FRK: variants seen among roughly 807,000 people sequenced by gnomAD.
FRK encodes the protein tyrosine-protein kinase FRK.
A neutral mutation model predicts 56.4 loss-of-function variants in FRK; 51 were observed. The ratio of observed to expected loss-of-function variants is 0.90; its 90% CI spans 0.72 to 1.14. The LOEUF (loss-of-function observed/expected upper bound fraction) is 1.14. FRK is among the 50% of genes most tolerant of loss of function. The pLI is 0.00. For missense variants in FRK, 570 were observed against 601.4 expected (o/e 0.95, Z 0.55); for synonymous variants, 245 against 217.9 (o/e 1.12, Z -1.10).
the FRK span, among the ~76,000 whole-genome samples, chr6:116,072,739 T>A: frequency 6.6e-6 from 1 of 152,152 alleles, no homozygotes. Context: ...ACCTTTGTTG[T>A]TTTAGGCCTC....
At chr6:115,945,587 T>G (rs777044292) in intron 5 of FRK, among the ~76,000 whole-genome samples, 33 of 152,184 alleles carry the variant, frequency 2.2e-4, no homozygotes, top group Non-Finnish European at 3.8e-4. Flanking sequence ...TTTTAGTCAT[T>G]GAGCCTATAA....
chr6:116,018,530 A>G (rs374568708), intron 1 of FRK, among the ~76,000 whole-genome samples: 3 of 152,226 alleles, frequency 2.0e-5, no homozygotes, highest in African/African-American at 7.2e-5. Context: ...TATTAAAATT[A>G]TAAGTGTCTT....
At chr6:115,982,097 T>G (rs1465974746) in intron 2 of FRK, among the ~76,000 whole-genome samples, 1 of 152,076 alleles carries the variant, frequency 6.6e-6, no homozygotes, top group Non-Finnish European at 1.5e-5. Context: ...GTAAAGAAGA[T>G]CTTCCCTCAT....
chr6:115,956,726 G>T, intron 4 of FRK, 116 bp from the exon 5 acceptor site: 1 of 749,278 alleles, frequency 1.3e-6, no homozygotes, highest in Non-Finnish European at 2.0e-6. Context: ...AAGAGCCTCA[G>T]TATCACAAAT....
chr6:116,070,303 CAT>C, the FRK span, among the ~76,000 whole-genome samples: 1 of 152,066 alleles, frequency 6.6e-6, no homozygotes, highest in Non-Finnish European at 1.5e-5. Flanking sequence ...TCTTGGCTAG[CAT>C]AGGTGGCAGG....
rs996813283 is a variant in FRK, at chr6:115,937,133, A to C, written c.*5281T>G. Reference sequence around the variant, plus strand: ...TCAGACTAACAGAGGATCTCTCTGCAGACACCTTACAAGCCAGAATAGAGT... The same window carrying C: ...TCAGACTAACAGAGGATCTCTCTGCCGACACCTTACAAGCCAGAATAGAGT... On this transcript the variant is annotated 3_prime_UTR_variant, in exon 8 of 8. Coordinates refer to ENST00000606080, the MANE Select transcript of FRK (RefSeq NM_002031.3). 6.6e-6 allele frequency: 1 copy of C among 152,244 alleles called. No individual in the cohort carries two copies. Among genetic ancestry groups the C allele is most frequent in the South Asian group, 2.1e-4 (1 of 4,836 alleles). 9.4% of individuals were successfully genotyped at this position (152,244 alleles called of 1,614,324 possible). A position where few individuals can be genotyped will look rare whatever the true frequency, so the allele number is the denominator to read the frequency against.
At chr6:115,971,931 G>A (rs1773819594) in intron 2 of FRK, among the ~76,000 whole-genome samples, 1 of 152,172 alleles carries the variant, frequency 6.6e-6, no homozygotes, top group Non-Finnish European at 1.5e-5. Flanking sequence ...AGTAAAGAAG[G>A]AGAAGGCCAC....
In FRK at chr6:115,968,664, C is replaced by T. The variant is rs780048286; in HGVS notation, c.542G>A (p.Arg181Lys). The change falls in exon 3 of 8, where the codon AGA (arginine) becomes AAA (lysine). Residue 181 changes from arginine (R) to lysine (K), a missense_variant. Physicochemically the swap from Arg to Lys is conservative, Grantham distance 26. Transcript: ENST00000606080. Reference protein sequence around the residue: ...DEGGFFLTRRRIFSTLNEFVS... With the variant: ...DEGGFFLTRRKIFSTLNEFVS... ...AAATTCGTTCAGTGTTGAAAAGATTCTTCTTCGCGTGAGAAAAAATCCCCC... is the reference window on the plus strand; with the variant it reads ...AAATTCGTTCAGTGTTGAAAAGATTTTTCTTCGCGTGAGAAAAAATCCCCC... The T allele has an allele frequency of 1.9e-6, 3 of 1,613,804 alleles. No individual in the cohort carries two copies. The South Asian group carries it at 3.3e-5, about 18-fold the overall frequency.
intron 1 of FRK, among the ~76,000 whole-genome samples, chr6:116,009,984 T>C (rs1024082133): frequency 5.3e-5 from 8 of 152,078 alleles, no homozygotes; most frequent in African/African-American, 1.9e-4. Flanking sequence ...TCCCAGCACT[T>C]TGGGAGGCCG....
At chr6:116,034,656 G>A (rs1562296966) in intron 1 of FRK, among the ~76,000 whole-genome samples, 2 of 152,012 alleles carry the variant, frequency 1.3e-5, no homozygotes, top group Admixed American at 1.3e-4. Flanking sequence ...TATAACAAAT[G>A]GACTTTATGT....
the FRK span, among the ~76,000 whole-genome samples, chr6:116,082,447 T>C: frequency 6.6e-6 from 1 of 152,130 alleles, no homozygotes; most frequent in African/African-American, 2.4e-5. Context: ...TATTCCAGGC[T>C]GGAAATGGTG....
At chr6:116,022,254 A>G (rs1399237734) in intron 1 of FRK, among the ~76,000 whole-genome samples, 1 of 152,122 alleles carries the variant, frequency 6.6e-6, no homozygotes, top group East Asian at 1.9e-4. Flanking sequence ...GGAAGAAATA[A>G]TGTCAGTTTT....
At chr6:115,997,989 AC>A (rs1033519377) in intron 2 of FRK, among the ~76,000 whole-genome samples, 2 of 152,046 alleles carry the variant, frequency 1.3e-5, no homozygotes, top group Admixed American at 6.6e-5. Context: ...TGATAACTAA[AC>A]TCAGACTGCT....
chr6:116,061,863 C>T (rs1048588047), upstream of FRK, among the ~76,000 whole-genome samples: 4 of 151,590 alleles, frequency 2.6e-5, no homozygotes, highest in Non-Finnish European at 4.4e-5. Context: ...ATTCCTAGTA[C>T]AAGCTCATAA....
chr6:116,086,437 T>C, the FRK span, among the ~76,000 whole-genome samples: 2 of 152,238 alleles, frequency 1.3e-5, no homozygotes, highest in Non-Finnish European at 2.9e-5. Flanking sequence ...GGTAAGCTCA[T>C]TCTCAGTTTC....
At chr6:115,990,587 A>G (rs1774562318) in intron 2 of FRK, among the ~76,000 whole-genome samples, 1 of 151,552 alleles carries the variant, frequency 6.6e-6, no homozygotes, top group African/African-American at 2.4e-5. Context: ...GGTTTTGGCT[A>G]TGTGGCTTTA....
the FRK span, among the ~76,000 whole-genome samples, chr6:116,099,006 C>T: frequency 6.6e-6 from 1 of 152,190 alleles, no homozygotes; most frequent in African/African-American, 2.4e-5. Flanking sequence ...AGCACAAGAA[C>T]TGTTTGTGCA....
chr6:115,934,224 T>G lies in FRK; in HGVS notation c.*8190A>C, dbSNP rs1002090474. On this transcript the variant is annotated 3_prime_UTR_variant, in exon 8 of 8. Coordinates refer to ENST00000606080, the MANE Select transcript of FRK (RefSeq NM_002031.3). ...CTCCAGCATCTCATATTCTCTGCTT[T>G]TATTCAGATAAGCCAACCTCTCAAC... The G allele has an allele frequency of 2.6e-5, 4 of 152,158 alleles. No individual in the cohort carries two copies. Among genetic ancestry groups the G allele is most frequent in the African/African-American group, 9.7e-5 (4 of 41,428 alleles). 9.4% of individuals were successfully genotyped at this position (152,158 alleles called of 1,614,324 possible).
chr6:116,057,355 T>G (rs1443123632), intron 1 of FRK, among the ~76,000 whole-genome samples: 1 of 152,240 alleles, frequency 6.6e-6, no homozygotes, highest in African/African-American at 2.4e-5. Context: ...TATATAATTC[T>G]TCAAGTGTTA....
Sources: gnomAD v4.1 joint callset for allele counts (sites outside exome capture counted in the v4.1 genomes callset) on GRCh38, gnomAD v4.1.1 for gene constraint, MANE v1.5 for transcripts, NCBI Gene and HGNC (gene_info 2026-07-23, HGNC 2026-07-21) for gene names.